PTPN9: variants seen among roughly 807,000 people sequenced by gnomAD.
The protein encoded by PTPN9 is protein tyrosine phosphatase non-receptor type 9.
Under a neutral mutation model 69.8 loss-of-function variants are expected in PTPN9, and 26 were observed. The observed-to-expected ratio is 0.37, with a 90% CI of 0.27 to 0.52. The LOEUF (loss-of-function observed/expected upper bound fraction) is 0.52, where lower values mean the gene tolerates loss of function less well. PTPN9 is among the 20% of genes least tolerant of loss of function. The probability of loss-of-function intolerance (pLI) is 0.91; values close to 1 mark genes in which losing one functional copy is unlikely to be tolerated. For missense variants in PTPN9, 549 were observed against 740.3 expected, an observed-to-expected ratio of 0.74 and a Z score of 3.00; for synonymous variants, 274 against 272.5, an observed-to-expected ratio of 1.01 and a Z score of -0.05.
At chr15:75,515,912 TAAAATAAAATAAAAC>T (rs1203685435) in intron 5 of PTPN9, among the ~76,000 whole-genome samples, 3 of 151,416 alleles carry the variant, frequency 2.0e-5, no homozygotes, top group Admixed American at 6.6e-5. Flanking sequence ...AACATAAAAA[TAAAATAAAATAAAAC>T]AAAATAAAAT....
chr15:75,492,965 G>C (rs560800387), intron 7 of PTPN9, among the ~76,000 whole-genome samples: 1 of 151,934 alleles, frequency 6.6e-6, no homozygotes, highest in East Asian at 1.9e-4. Context: ...ACCAGCCTGG[G>C]CAACATAGCA....
At chr15:75,469,560 T>C (rs998616455) in intron 12 of PTPN9, among the ~76,000 whole-genome samples, 5 of 152,224 alleles carry the variant, frequency 3.3e-5, no homozygotes, top group African/African-American at 1.2e-4. Context: ...GTCAGCGTTA[T>C]GATGGGGTGT....
At chr15:75,572,227 GA>G (rs1367248798) in intron 1 of PTPN9, among the ~76,000 whole-genome samples, 21 of 152,226 alleles carry the variant, frequency 1.4e-4, no homozygotes. Context: ...AGCTACTCGG[GA>G]GGCCAAGGCA....
intron 7 of PTPN9, among the ~76,000 whole-genome samples, chr15:75,499,099 A>T (rs1473504879): frequency 2.0e-5 from 3 of 152,170 alleles, no homozygotes; most frequent in African/African-American, 4.8e-5. Context: ...AAAAGAGAAA[A>T]GGGAAAGAAA....
At chr15:75,563,940 C>T (rs970283703) in intron 1 of PTPN9, among the ~76,000 whole-genome samples, 8 of 151,926 alleles carry the variant, frequency 5.3e-5, no homozygotes, top group African/African-American at 1.2e-4. Flanking sequence ...GACATTAACA[C>T]GATAAAGAAT....
Position 75,469,003 on chromosome 15 carries a change from A to G in PTPN9, c.1568-20T>C. 1 of 1,591,016 alleles carries G rather than the reference A, an allele frequency of 6.3e-7. No individual in the cohort carries two copies. Among genetic ancestry groups the G allele is most frequent in the Non-Finnish European group, 8.6e-7 (1 of 1,160,712 alleles). On this transcript the variant is annotated intron_variant, in intron 12 of 12. Coordinates refer to ENST00000618819, the MANE Select transcript of PTPN9 (RefSeq NM_002833.4). Reference sequence around the variant, plus strand: ...AGGTACCTGAAGAAGGAAGGAAGTGATCACATCTGGTTTACCTCTCTTCTC... The same window carrying G: ...AGGTACCTGAAGAAGGAAGGAAGTGGTCACATCTGGTTTACCTCTCTTCTC...
intron 3 of PTPN9, 75 bp from the exon 4 acceptor site, chr15:75,523,320 G>A (rs1167262195): frequency 2.0e-6 from 3 of 1,486,538 alleles, no homozygotes; most frequent in Non-Finnish European, 2.7e-6. Context: ...TTATATACTG[G>A]ATAAGGGTTT....
rs1454206583 is a variant in PTPN9 at position 75,469,836 on chromosome 15, T to C, written c.1523A>G (p.Glu508Gly). The change falls in exon 12 of 13, where the codon GAG (glutamate) becomes GGG (glycine). Residue 508 changes from glutamate to glycine, a missense_variant. Transcript: ENST00000618819. ...MGARSKGQCP[E>G]PPIVVHCSAG... Reference sequence around the variant, plus strand: ...ACTGCAATGGACCACAATGGGTGGCTCAGGGCACTGCCCTTTGGAGCGTGC... The same window carrying C: ...ACTGCAATGGACCACAATGGGTGGCCCAGGGCACTGCCCTTTGGAGCGTGC... 1.9e-6 allele frequency: 3 copies of C among 1,613,490 alleles called. No individual in the cohort carries two copies. Among genetic ancestry groups the C allele is most frequent in the Non-Finnish European group, 1.7e-6 (2 of 1,180,038 alleles).
chr15:75,472,393 C>T (rs2141670704), intron 10 of PTPN9, among the ~76,000 whole-genome samples: 1 of 151,922 alleles, frequency 6.6e-6, no homozygotes, highest in South Asian at 2.1e-4. Flanking sequence ...CCGGTGGGGG[C>T]AGAGCCTGTA....
At position 75,508,902 on chromosome 15, in the gene PTPN9, G is replaced by A. The variant is rs755690225; in HGVS notation, c.639+15C>T. 3.2e-6 allele frequency: 5 copies of A among 1,587,048 alleles called. No homozygotes were observed. Among genetic ancestry groups the A allele is most frequent in the Non-Finnish European group, 4.3e-6 (5 of 1,156,800 alleles). ...TCTATTCACCTCCAGATAAAAAAGG[G>A]CAAGCTTGCCTTACCCTCTCCCGGA... On this transcript the variant is annotated intron_variant, in intron 6 of 12. Transcript: ENST00000618819.
intron 1 of PTPN9, among the ~76,000 whole-genome samples, chr15:75,543,433 G>A (rs1053386684): frequency 2.0e-5 from 3 of 152,170 alleles, no homozygotes; most frequent in African/African-American, 7.2e-5. Flanking sequence ...ACCAATAAAT[G>A]GCAGAGCTGA....
At chr15:75,560,421 G>A (rs902570061) in intron 1 of PTPN9, among the ~76,000 whole-genome samples, 1 of 152,100 alleles carries the variant, frequency 6.6e-6, no homozygotes, top group African/African-American at 2.4e-5. Flanking sequence ...AAGAGCTAGA[G>A]CCTCCTTAGT....
At chr15:75,505,185 T>C (rs2074811707) in intron 7 of PTPN9, among the ~76,000 whole-genome samples, 1 of 151,024 alleles carries the variant, frequency 6.6e-6, no homozygotes, top group South Asian at 2.1e-4. Flanking sequence ...CTGAAACATG[T>C]GCTGTGTCCA....
Position 75,548,109 on chromosome 15 carries a change from T to C in PTPN9, c.64-20848A>G, listed in dbSNP as rs537038742. ...AACAGATTTCGAACTGTTAGGTAAC[T>C]TGTCCAAAGTCCCAGAACAAGAAAA... is the stretch of plus-strand genomic sequence containing the variant. On this transcript the variant is annotated intron_variant, in intron 1 of 12. Coordinates refer to ENST00000618819, the MANE Select transcript of PTPN9 (RefSeq NM_002833.4). Among the ~76,000 whole-genome samples the C allele has an allele frequency of 1.2e-4, 19 of 152,268 alleles. No homozygotes were observed. The East Asian group carries it at 3.3e-3, about 26-fold the overall frequency.
chr15:75,496,111 C>T (rs1035561810), intron 7 of PTPN9, among the ~76,000 whole-genome samples: 1 of 149,266 alleles, frequency 6.7e-6, no homozygotes, highest in Non-Finnish European at 1.5e-5. Context: ...TGTACTCCAA[C>T]CTGGGTGAGA....
chr15:75,539,138 G>T (rs574691292), intron 1 of PTPN9, among the ~76,000 whole-genome samples: 12 of 152,244 alleles, frequency 7.9e-5, no homozygotes, highest in African/African-American at 2.9e-4. Flanking sequence ...TGTAATCTCA[G>T]GTGTTTCACC....
intron 7 of PTPN9, among the ~76,000 whole-genome samples, chr15:75,494,131 C>CATATATATATATATATATATATATAT (rs71140166): frequency 7.0e-6 from 1 of 143,514 alleles, no homozygotes; most frequent in African/African-American, 2.5e-5. Flanking sequence ...TTATCAATCC[C>CATATATATATATATATATATATATAT]ATATATATAT....
chr15:75,502,292 C>T (rs1595954365), intron 7 of PTPN9, among the ~76,000 whole-genome samples: 1 of 151,980 alleles, frequency 6.6e-6, no homozygotes, highest in African/African-American at 2.4e-5. Flanking sequence ...ACTAAAAATA[C>T]AAAAATTAGC....
intron 10 of PTPN9, among the ~76,000 whole-genome samples, chr15:75,472,233 GC>G (rs34229098): frequency 0.016 from 2,287 of 146,778 alleles, 33 homozygotes; most frequent in Middle Eastern, 0.072. Context: ...GCCGAGGCAG[GC>G]GGATCACGAG....
Sources: allele counts gnomAD v4.1 joint callset (sites outside exome capture counted in the v4.1 genomes callset), GRCh38; gene constraint gnomAD v4.1.1; transcripts MANE v1.5; gene names NCBI Gene and HGNC (gene_info 2026-07-23, HGNC 2026-07-21).